NUP153: variants seen among roughly 807,000 people sequenced by gnomAD.
NUP153 encodes the protein nuclear pore complex protein Nup153.
Under a neutral mutation model 134.6 loss-of-function variants are expected in NUP153, and 27 were observed. The ratio of observed to expected loss-of-function variants is 0.20; its 90% confidence interval spans 0.15 to 0.28. NUP153 has a LOEUF of 0.28. Ranked by LOEUF, NUP153 falls within the 10% of genes least tolerant of loss-of-function variation. NUP153 has a pLI of 1.00. For missense variants in NUP153, 1,821 were observed against 1,731.3 expected, an observed-to-expected ratio of 1.05 and a Z score of -0.92; for synonymous variants, 640 against 623.5, an observed-to-expected ratio of 1.03 and a Z score of -0.40.
chr6:17,699,441 C>T (rs1444949989), intron 1 of NUP153, among the ~76,000 whole-genome samples: 2 of 149,458 alleles, frequency 1.3e-5, no homozygotes, highest in Non-Finnish European at 3.0e-5. Context: ...CGAAATCGCA[C>T]CATTGCACTT....
At position 17,616,288 on chromosome 6, in the gene NUP153, G is replaced by GA. The variant is rs1446139894; in HGVS notation, c.4344-108_4344-107insT. On this transcript the variant is annotated intron_variant, in intron 21 of 21. Transcript: ENST00000262077. ...AAGGGTAAGGGGGGTCGGGTGGGGG[G>GA]GGAGTAGACTCACATTGGTATATAC... 4.0e-5 allele frequency: 19 copies of GA among 476,204 alleles called. No homozygotes were observed. In the East Asian group the frequency reaches 7.0e-4, roughly 18 times the overall value. The allele number at this position is 476,204 out of a possible 1,614,324, so 29.5% of individuals were successfully genotyped here. A position where few individuals can be genotyped will look rare whatever the true frequency, so the allele number is the denominator to read the frequency against.
At chr6:17,688,254 A>G (rs1465685524) in intron 2 of NUP153, 142 bp downstream of exon 2, 1 of 613,834 alleles carries the variant, frequency 1.6e-6, no homozygotes, top group African/African-American at 1.9e-5. Flanking sequence ...AATAAAAAAG[A>G]CATCCAATTT....
chr6:17,701,832 C>CGGGAG (rs1770107547), intron 1 of NUP153, among the ~76,000 whole-genome samples: 1 of 44,420 alleles, frequency 2.3e-5, no homozygotes, highest in Non-Finnish European at 4.0e-5. Context: ...GACTCTGTCT[C>CGGGAG]GGGGGGGGGG....
At chr6:17,621,716 G>C (rs184305837) in intron 20 of NUP153, among the ~76,000 whole-genome samples, 27 of 152,278 alleles carry the variant, frequency 1.8e-4, no homozygotes, top group Admixed American at 1.8e-3. Flanking sequence ...GGTAGGAAGG[G>C]AAGGTGGTTA....
At chr6:17,659,831 G>T (rs1044884885) in intron 11 of NUP153, among the ~76,000 whole-genome samples, 1 of 152,108 alleles carries the variant, frequency 6.6e-6, no homozygotes, top group African/African-American at 2.4e-5. Flanking sequence ...AAATTGGTTT[G>T]CTACAAAACC....
intron 20 of NUP153, among the ~76,000 whole-genome samples, chr6:17,617,712 G>GC (rs1194897655): frequency 1.3e-5 from 2 of 152,138 alleles, no homozygotes; most frequent in East Asian, 3.9e-4. Flanking sequence ...AGGCGTAGTG[G>GC]CGTGCACCTG....
At chr6:17,662,115 A>T (rs768698825) in intron 9 of NUP153, 45 bp from the exon 10 acceptor site, 2 of 1,575,314 alleles carry the variant, frequency 1.3e-6, no homozygotes, top group South Asian at 2.3e-5. Flanking sequence ...TATTTGTTGT[A>T]ATTTTCTTAG....
In NUP153 at chr6:17,629,437, G is replaced by C; in HGVS notation, c.2762C>G (p.Thr921Ser). Residue 921 changes from threonine (T) to serine (S), a missense_variant, in exon 18 of 22, where the codon ACT becomes AGT. Transcript: ENST00000262077. The stretch of plus-strand genomic sequence containing the variant: ...CTGATCTCCAAATTTAAAATTTCCA[G>C]TGCTTGTTAAAGTCTGAGAAGGCCC... ...SSGPSQTLTS[T>S]GNFKFGDQGG... is the part of the protein sequence containing the mutation. The C allele has an allele frequency of 1.9e-6, 3 of 1,614,002 alleles. No homozygotes were observed. The highest frequency in any genetic ancestry group is 2.5e-6 in the Non-Finnish European group (3 of 1,179,986).
At chr6:17,705,040 A>T (rs897070489) in intron 1 of NUP153, among the ~76,000 whole-genome samples, 10 of 152,240 alleles carry the variant, frequency 6.6e-5, no homozygotes, top group African/African-American at 2.4e-4. Context: ...TACAGGCGTG[A>T]GCCAACGCGC....
intron 9 of NUP153, among the ~76,000 whole-genome samples, chr6:17,664,908 C>T (rs980579778): frequency 2.6e-5 from 4 of 152,002 alleles, no homozygotes; most frequent in Admixed American, 6.6e-5. Flanking sequence ...CAAAAATTAG[C>T]TGGGTGAGGT....
intron 20 of NUP153, among the ~76,000 whole-genome samples, chr6:17,624,015 C>T (rs1764784076): frequency 6.6e-6 from 1 of 152,010 alleles, no homozygotes; most frequent in South Asian, 2.1e-4. Context: ...TTTTACACCC[C>T]TTTCTACATA....
At chr6:17,682,028 T>C (rs1160108364) in intron 2 of NUP153, among the ~76,000 whole-genome samples, 2 of 152,052 alleles carry the variant, frequency 1.3e-5, no homozygotes, top group East Asian at 1.9e-4. Flanking sequence ...GGCAACACAG[T>C]GAGGCCTCAC....
At chr6:17,660,807 T>C (rs944970851) in intron 11 of NUP153, among the ~76,000 whole-genome samples, 3 of 152,110 alleles carry the variant, frequency 2.0e-5, no homozygotes, top group African/African-American at 7.2e-5. Context: ...AACAATTCCA[T>C]TCCTAGATAA....
Position 17,625,360 on chromosome 6 carries a change from T to C in NUP153, c.3901+448A>G, listed in dbSNP as rs994337280. ...GCCTGGCCAACATGGTAAAACCCCA[T>C]CTCTACTAAAAATACAAAAATTAGG... On this transcript the variant is annotated intron_variant, in intron 19 of 21. Transcript: ENST00000262077. This position sits in a 1 kb window ranked among gnomAD's most constrained non-coding sequence, Gnocchi z 4.7. 1.3e-5 allele frequency among the ~76,000 whole-genome samples: 2 copies of C among 151,964 alleles called. No homozygotes were observed. Among genetic ancestry groups the C allele is most frequent in the Non-Finnish European group, 2.9e-5 (2 of 68,010 alleles).
chr6:17,656,414 A>G (rs959349376), intron 11 of NUP153, among the ~76,000 whole-genome samples: 1 of 152,136 alleles, frequency 6.6e-6, no homozygotes, highest in East Asian at 1.9e-4. Flanking sequence ...TGATACAAAC[A>G]TGAGTGAAGA....
rs1242617777 is a variant in NUP153 at position 17,701,842 on chromosome 6, GGGA to G, written c.111+4432_111+4434del. ...AGCAAGACTCTGTCTCGGGGGGGGG[GGGA>G]AAAAAGCTAAATGCAGGAACTGACT... On this transcript the variant is annotated intron_variant, in intron 1 of 21. Transcript: ENST00000262077. 3.9e-5 allele frequency among the ~76,000 whole-genome samples: 4 copies of G among 102,912 alleles called. 1 individual carries two copies. The highest frequency in any genetic ancestry group is 8.5e-5 in the Non-Finnish European group (4 of 47,292). 67.5% of individuals were successfully genotyped at this position (102,912 alleles called of 152,430 possible).
intron 15 of NUP153, among the ~76,000 whole-genome samples, chr6:17,639,224 C>G (rs1292149242): frequency 6.6e-6 from 1 of 151,934 alleles, no homozygotes; most frequent in African/African-American, 2.4e-5. Context: ...ACTACAGGTG[C>G]ATGCCAGGAC....
intron 2 of NUP153, among the ~76,000 whole-genome samples, chr6:17,682,140 CG>C (rs1182795229): frequency 2.0e-5 from 3 of 152,098 alleles, no homozygotes; most frequent in Non-Finnish European, 4.4e-5. Flanking sequence ...GAGTCACACA[CG>C]TTTTTGGTTT....
intron 14 of NUP153, among the ~76,000 whole-genome samples, chr6:17,641,669 T>C (rs1765847940): frequency 6.6e-6 from 1 of 152,062 alleles, no homozygotes; most frequent in African/African-American, 2.4e-5. Context: ...CAGGCTAACA[T>C]GGTGAAACCC....
Sources: allele counts gnomAD v4.1 joint callset (sites outside exome capture counted in the v4.1 genomes callset), GRCh38; gene constraint gnomAD v4.1.1; non-coding constraint Gnocchi (gnomAD v3.1); transcripts MANE v1.5; gene names NCBI Gene and HGNC (gene_info 2026-07-23, HGNC 2026-07-21).